KYAT3: variants seen among roughly 807,000 people sequenced by gnomAD.
The protein encoded by KYAT3 is kynurenine--oxoglutarate transaminase 3.
Under a neutral mutation model 59.0 loss-of-function variants are expected in KYAT3, and 50 were observed. That is an observed-to-expected ratio of 0.85 (90% CI 0.68 to 1.07). The LOEUF (loss-of-function observed/expected upper bound fraction) is 1.07, where lower values mean the gene tolerates loss of function less well. KYAT3 is among the 50% of genes least tolerant of loss of function. The pLI is 0.00. For synonymous variants in KYAT3, 148 were observed against 177.0 expected (o/e 0.84, Z 1.30); for missense variants, 497 against 533.3 (o/e 0.93, Z 0.67).
At chr1:88,937,464 T>C (rs1455203221) in intron 13 of KYAT3, among the ~76,000 whole-genome samples, 1 of 151,910 alleles carries the variant, frequency 6.6e-6, no homozygotes, top group African/African-American at 2.4e-5. Flanking sequence ...AATCTAAGTA[T>C]CAAAATAAGT....
At chr1:88,926,322 C>A in the KYAT3 span, among the ~76,000 whole-genome samples, 1 of 152,182 alleles carries the variant, frequency 6.6e-6, no homozygotes, top group South Asian at 2.1e-4. Context: ...GAACTCCCTT[C>A]AGGACAGGAC....
At chr1:88,933,054 T>C (rs1050014221), downstream of KYAT3, among the ~76,000 whole-genome samples, 1 of 152,128 alleles carries the variant, frequency 6.6e-6, no homozygotes, top group Non-Finnish European at 1.5e-5. Flanking sequence ...CACAAGGCTG[T>C]CTCCCTTCCC....
Position 88,935,924 on chromosome 1 carries a change from C to G in KYAT3, c.*259G>C. The G allele has an allele frequency of 2.4e-6, 1 of 423,750 alleles. No individual in the cohort carries two copies. The highest frequency in any genetic ancestry group is 4.2e-6 in the Non-Finnish European group (1 of 238,220). The allele number at this position is 423,750 out of a possible 1,614,324, so 26.2% of individuals were successfully genotyped here. On this transcript the variant is annotated 3_prime_UTR_variant, in exon 14 of 14. Transcript: ENST00000260508. ...ACCGAGTTACTGAGAGGTTAAACAT[C>G]TCACATTTCTTATCCACTATGTTAT... is the stretch of plus-strand genomic sequence containing the variant.
At chr1:88,954,615 T>C (rs560203509) in intron 9 of KYAT3, among the ~76,000 whole-genome samples, 3 of 152,172 alleles carry the variant, frequency 2.0e-5, no homozygotes, top group Non-Finnish European at 4.4e-5. Context: ...AAAGGGAAAA[T>C]GACCTAATTT....
intron 13 of KYAT3, 55 bp downstream of exon 13, chr1:88,942,950 T>C: frequency 4.0e-6 from 5 of 1,254,294 alleles, no homozygotes; most frequent in Non-Finnish European, 5.7e-6. Flanking sequence ...AATAGTACTT[T>C]AAAAATTGAA....
At chr1:88,943,205 C>A in intron 12 of KYAT3, 114 bp from the exon 13 acceptor site, 3 of 1,074,608 alleles carry the variant, frequency 2.8e-6, no homozygotes, top group Non-Finnish European at 4.1e-6. Context: ...CAATAATTTC[C>A]AAAAAGAAAA....
intron 1 of KYAT3, among the ~76,000 whole-genome samples, chr1:88,988,553 C>T (rs1326991853): frequency 6.6e-6 from 1 of 152,116 alleles, no homozygotes; most frequent in Non-Finnish European, 1.5e-5. Context: ...ATGTATTCTT[C>T]CTACACAAAT....
chr1:88,954,018 C>T (rs1313129137), intron 9 of KYAT3, among the ~76,000 whole-genome samples: 2 of 151,978 alleles, frequency 1.3e-5, no homozygotes, highest in African/African-American at 4.8e-5. Context: ...TCTCCTGTCT[C>T]AGCCTCCCAA....
chr1:88,976,110 G>A lies in KYAT3; in HGVS notation c.100-6643C>T, dbSNP rs571908447. On this transcript the variant is annotated intron_variant, in intron 2 of 13. Coordinates refer to ENST00000260508, the MANE Select transcript of KYAT3 (RefSeq NM_001008661.3). ...GCAGTGGCTCACGCCTGTAATCCCAGCACTTTGGGAGGCTGAGGCAGGCGG... is the reference window on the plus strand; with the variant it reads ...GCAGTGGCTCACGCCTGTAATCCCAACACTTTGGGAGGCTGAGGCAGGCGG... Among the ~76,000 whole-genome samples the A allele has an allele frequency of 5.9e-5, 9 of 152,024 alleles. No homozygotes were observed. In the East Asian group the frequency reaches 1.6e-3, roughly 26 times the overall value.
chr1:88,979,559 C>A (rs1676972023), intron 2 of KYAT3: 2 of 152,118 alleles, frequency 1.3e-5, no homozygotes, highest in Admixed American at 1.3e-4. Context: ...AGCCACTTCA[C>A]AGAAAATATA....
chr1:88,976,223 G>A (rs1676784012), intron 2 of KYAT3, among the ~76,000 whole-genome samples: 1 of 151,810 alleles, frequency 6.6e-6, no homozygotes, highest in Non-Finnish European at 1.5e-5. Flanking sequence ...CGGGTGTGGT[G>A]GCATGCGCCT....
intron 2 of KYAT3, chr1:88,982,177 T>C (rs539298851): frequency 4.4e-4 from 385 of 875,502 alleles, no homozygotes; most frequent in South Asian, 6.7e-4. Context: ...TTTTGCATAC[T>C]GAGAACAGTG....
At chr1:88,929,243 T>G in the KYAT3 span, among the ~76,000 whole-genome samples, 6 of 152,086 alleles carry the variant, frequency 3.9e-5, no homozygotes, top group Admixed American at 3.3e-4. Context: ...GCTCCAATTT[T>G]AGGAGTACAG....
chr1:88,979,575 G>C (rs1376242240), intron 2 of KYAT3: 1 of 152,038 alleles, frequency 6.6e-6, no homozygotes, highest in Non-Finnish European at 1.5e-5. Flanking sequence ...ATATACAACT[G>C]GCCAAAAAGT....
chr1:88,965,905 C>T (rs913994947), intron 4 of KYAT3, among the ~76,000 whole-genome samples: 3 of 152,152 alleles, frequency 2.0e-5, no homozygotes, highest in Non-Finnish European at 4.4e-5. Context: ...CTAACAAATT[C>T]TAGCAAGAGG....
At chr1:88,963,415 T>C (rs1312670267) in intron 5 of KYAT3, among the ~76,000 whole-genome samples, 1 of 152,212 alleles carries the variant, frequency 6.6e-6, no homozygotes, top group African/African-American at 2.4e-5. Context: ...TTGTCTGGCA[T>C]AGTGAAGGGA....
the KYAT3 span, among the ~76,000 whole-genome samples, chr1:88,928,085 A>G: frequency 3.3e-5 from 5 of 152,206 alleles, no homozygotes; most frequent in African/African-American, 9.7e-5. Flanking sequence ...AAGGAAAACT[A>G]GGAAGAAGCC....
rs1364904628 is a variant in KYAT3 at position 88,992,625 on chromosome 1, C to CG, written c.-43dup. ...ACCTCGCCTCCCTAGGCTCGAGTCC[C>CG]GACTGGGCTTGAGGGCCCGGCTGGG... On this transcript the variant is annotated 5_prime_UTR_variant, in exon 1 of 14. Transcript: ENST00000260508. 4 of 152,724 alleles carry CG rather than the reference C, an allele frequency of 2.6e-5. No homozygotes were observed. Among genetic ancestry groups the CG allele is most frequent in the African/African-American group, 4.8e-5 (2 of 41,466 alleles). The allele number at this position is 152,724 out of a possible 1,614,324, so 9.5% of individuals were successfully genotyped here.
At chr1:88,967,517 T>G (rs1364119553) in intron 4 of KYAT3, among the ~76,000 whole-genome samples, 1 of 152,028 alleles carries the variant, frequency 6.6e-6, no homozygotes, top group African/African-American at 2.4e-5. Context: ...TAATAAGCCA[T>G]CTAGGTATTG....
Sources: allele counts gnomAD v4.1 joint callset (sites outside exome capture counted in the v4.1 genomes callset), GRCh38; gene constraint gnomAD v4.1.1; transcripts MANE v1.5; gene names NCBI Gene and HGNC (gene_info 2026-07-23, HGNC 2026-07-21).